The following NBEA variants were observed in gnomAD, a reference collection of about 807,000 sequenced individuals.
The protein encoded by NBEA is neurobeachin, also known as lysosomal-trafficking regulator 2.
A neutral mutation model predicts 343.4 loss-of-function variants in NBEA; 44 were observed. That is an observed-to-expected ratio of 0.13 (90% CI 0.10 to 0.16). NBEA has a LOEUF of 0.16. Ranked by LOEUF, NBEA falls within the 10% of genes least tolerant of loss-of-function variation. The pLI, the probability that NBEA is intolerant of heterozygous loss-of-function variation, is 1.00. For synonymous variants in NBEA, 1,175 were observed against 1,238.7 expected (o/e 0.95, Z 1.08); for missense variants, 2,555 against 3,631.3 (o/e 0.70, Z 7.62).
At chr13:35,142,004 T>C (rs939012097) in intron 17 of NBEA, among the ~76,000 whole-genome samples, 2 of 151,980 alleles carry the variant, frequency 1.3e-5, no homozygotes, top group African/African-American at 4.8e-5. Context: ...ATAATAACAA[T>C]GACATGTATG....
intron 41 of NBEA, among the ~76,000 whole-genome samples, chr13:35,500,192 G>C (rs768174191): frequency 5.9e-5 from 9 of 152,048 alleles, no homozygotes; most frequent in Non-Finnish European, 8.8e-5. Flanking sequence ...TTTGTAATTT[G>C]GGCTTCATTT....
At chr13:35,623,863 A>G (rs2083105393) in intron 48 of NBEA, among the ~76,000 whole-genome samples, 1 of 152,112 alleles carries the variant, frequency 6.6e-6, no homozygotes, top group African/African-American at 2.4e-5. Flanking sequence ...TAATGAATTC[A>G]TTTTCTTATA....
At chr13:35,074,554 A>G (rs960013509) in intron 10 of NBEA, among the ~76,000 whole-genome samples, 1 of 152,178 alleles carries the variant, frequency 6.6e-6, no homozygotes, top group African/African-American at 2.4e-5. Context: ...TTTTGGTGGA[A>G]GACAAATTTG....
intron 33 of NBEA, among the ~76,000 whole-genome samples, chr13:35,215,592 A>G (rs2074022499): frequency 1.3e-5 from 2 of 151,708 alleles, no homozygotes; most frequent in Non-Finnish European, 3.0e-5. Flanking sequence ...ATAATTTTGT[A>G]TTAGTACATT....
chr13:35,000,322 TG>T (rs1452772686), intron 1 of NBEA, among the ~76,000 whole-genome samples: 1 of 151,956 alleles, frequency 6.6e-6, no homozygotes, highest in Non-Finnish European at 1.5e-5. Flanking sequence ...AAAATTTACA[TG>T]GGAATTGGGA....
chr13:35,005,641 G>A (rs1276986168), intron 1 of NBEA, among the ~76,000 whole-genome samples: 1 of 152,128 alleles, frequency 6.6e-6, no homozygotes, highest in Non-Finnish European at 1.5e-5. Context: ...AAGACAGAAA[G>A]TGAAACAGTT....
intron 1 of NBEA, among the ~76,000 whole-genome samples, chr13:34,982,756 G>A (rs546939973): frequency 6.6e-6 from 1 of 152,182 alleles, no homozygotes; most frequent in African/African-American, 2.4e-5. Context: ...TATGATTATT[G>A]GTTGTAATGT....
intron 13 of NBEA, among the ~76,000 whole-genome samples, chr13:35,113,090 G>T (rs1355204678): frequency 6.6e-6 from 1 of 152,076 alleles, no homozygotes; most frequent in Non-Finnish European, 1.5e-5. Context: ...TTCAATGTAG[G>T]ATAGTTTTTT....
rs745924046 is a variant in NBEA, at chr13:35,628,125, C to T, written c.7494C>T (p.Ile2498=). The part of the protein sequence containing the change: ...EFVSCQLHQW[I]DLIFGYKQRG... ...TTTCTTGCCAACTTCATCAGTGGAT[C>T]GACCTTATATTTGGCTATAAGCAGC... Residue 2498 remains isoleucine (I), a synonymous_variant, in exon 49 of 59, where the codon ATC becomes ATT. Coordinates refer to ENST00000379939, the MANE Select transcript of NBEA (RefSeq NM_001385012.1). The T allele has an allele frequency of 2.5e-6, 4 of 1,612,876 alleles. No individual in the cohort carries two copies. The highest frequency in any genetic ancestry group is 3.4e-6 in the Non-Finnish European group (4 of 1,179,454).
At chr13:35,013,441 A>G (rs546933456) in intron 1 of NBEA, among the ~76,000 whole-genome samples, 3 of 152,112 alleles carry the variant, frequency 2.0e-5, no homozygotes, top group African/African-American at 7.2e-5. Flanking sequence ...TTTTTCCTTT[A>G]TACACATTTA....
chr13:35,590,128 A>G (rs1049483106), intron 46 of NBEA, among the ~76,000 whole-genome samples: 7 of 152,158 alleles, frequency 4.6e-5, no homozygotes, highest in African/African-American at 1.2e-4. Flanking sequence ...TAAGGTTAAT[A>G]TAGCACCTAA....
chr13:35,561,453 ATAT>A (rs1452792049), intron 44 of NBEA, among the ~76,000 whole-genome samples: 1 of 152,174 alleles, frequency 6.6e-6, no homozygotes, highest in African/African-American at 2.4e-5. Flanking sequence ...TTTTCTATAA[ATAT>A]TATCCACAAA....
chr13:34,979,490 A>G (rs1039596650), intron 1 of NBEA, among the ~76,000 whole-genome samples: 2 of 152,100 alleles, frequency 1.3e-5, no homozygotes, highest in Non-Finnish European at 2.9e-5. Context: ...ACTGCACTCC[A>G]TCCTGGGTGA....
chr13:34,960,748 G>A (rs909198373), intron 1 of NBEA, among the ~76,000 whole-genome samples: 6 of 151,988 alleles, frequency 3.9e-5, no homozygotes, highest in Non-Finnish European at 8.8e-5. Flanking sequence ...TATGTATGTG[G>A]GCTGTTCCAT....
chr13:35,280,609 A>G (rs2034985241), intron 34 of NBEA, among the ~76,000 whole-genome samples: 2 of 152,132 alleles, frequency 1.3e-5, no homozygotes, highest in African/African-American at 4.8e-5. Flanking sequence ...TAAACTGATC[A>G]ATGTAACTAC....
chr13:35,604,016 A>G (rs1468747803), intron 47 of NBEA, among the ~76,000 whole-genome samples: 2 of 152,198 alleles, frequency 1.3e-5, no homozygotes, highest in Non-Finnish European at 2.9e-5. Flanking sequence ...GGATGCCAAT[A>G]CATGAGAACA....
At chr13:34,963,933 A>G (rs914862555) in intron 1 of NBEA, among the ~76,000 whole-genome samples, 13 of 152,052 alleles carry the variant, frequency 8.5e-5, no homozygotes, top group African/African-American at 3.1e-4. Flanking sequence ...TTAAGTGCAT[A>G]TTAGGTACCA....
At chr13:35,627,557 G>C (rs2083282476) in intron 48 of NBEA, among the ~76,000 whole-genome samples, 1 of 151,916 alleles carries the variant, frequency 6.6e-6, no homozygotes, top group Non-Finnish European at 1.5e-5. Context: ...TTCCCAAACT[G>C]TGTAATAGCT....
chr13:35,557,915 T>G (rs2079655276), intron 44 of NBEA, among the ~76,000 whole-genome samples: 1 of 152,126 alleles, frequency 6.6e-6, no homozygotes, highest in Admixed American at 6.6e-5. Context: ...TTATCATACC[T>G]TCTGTGGAGT....
Sources: gnomAD v4.1 joint callset for allele counts (sites outside exome capture counted in the v4.1 genomes callset) on GRCh38, gnomAD v4.1.1 for gene constraint, MANE v1.5 for transcripts, NCBI Gene and HGNC (gene_info 2026-07-23, HGNC 2026-07-21) for gene names.